The following PIGU variants were observed in gnomAD, a reference collection of about 807,000 sequenced individuals.
The protein encoded by PIGU is GPI-anchor transamidase component PIGU.
PIGU carries 24 observed loss-of-function variants against 49.9 expected under a neutral mutation model. That is an observed-to-expected ratio of 0.48 (90% CI 0.35 to 0.68). The LOEUF is 0.68. Among genes scored for constraint, PIGU ranks in the 30% least tolerant of loss-of-function variants. PIGU has a pLI of 0.01. For synonymous variants in PIGU, 220 were observed against 205.7 expected (o/e 1.07, Z -0.59); for missense variants, 490 against 532.6 (o/e 0.92, Z 0.79).
chr20:34,562,531 C>G (rs1982569335), intron 11 of PIGU: 5 of 1,289,266 alleles, frequency 3.9e-6, no homozygotes, highest in Admixed American at 2.3e-5. Flanking sequence ...GGCCTCAGGA[C>G]AAGTACCTGC....
At chr20:34,598,130 G>A (rs913798551) in intron 7 of PIGU, among the ~76,000 whole-genome samples, 9 of 152,296 alleles carry the variant, frequency 5.9e-5, no homozygotes, top group South Asian at 2.1e-4. Flanking sequence ...GAAGGAGGAC[G>A]TACAGGGCTT....
At position 34,575,147 on chromosome 20, in the gene PIGU, G is replaced by C. The variant is rs1308913922; in HGVS notation, c.1151C>G (p.Ser384Cys). The C allele has an allele frequency of 6.2e-7, 1 of 1,614,174 alleles. No individual in the cohort carries two copies. Among genetic ancestry groups the C allele is most frequent in the Admixed American group, 1.7e-5 (1 of 60,016 alleles). The change falls in exon 11 of 12, where the codon TCT becomes TGT. Residue 384 changes from serine (S) to cysteine (C), a missense_variant. By Grantham distance (112) the Ser-to-Cys change is moderately radical (BLOSUM62 -1). Transcript: ENST00000217446. ...HLWIYAGSAN[S>C]NFFYAITLTF... ...CAGTGTGATGGCATAAAAGAAATTAGAGTTGGCACTTCCTGCATAAATCCA... is the reference window on the plus strand; with the variant it reads ...CAGTGTGATGGCATAAAAGAAATTACAGTTGGCACTTCCTGCATAAATCCA...
intron 1 of PIGU, among the ~76,000 whole-genome samples, chr20:34,658,806 C>T (rs1434866007): frequency 2.5e-4 from 38 of 151,646 alleles, no homozygotes; most frequent in African/African-American, 8.0e-4. Context: ...GCAGCCGCCC[C>T]GTCTGAGAAG....
chr20:34,673,069 A>G (rs979301632), intron 1 of PIGU, among the ~76,000 whole-genome samples: 1 of 151,906 alleles, frequency 6.6e-6, no homozygotes, highest in African/African-American at 2.4e-5. Context: ...CCTGGCTAAC[A>G]TGGTGAAACC....
intron 11 of PIGU, among the ~76,000 whole-genome samples, chr20:34,563,952 T>C (rs957558065): frequency 1.3e-5 from 2 of 152,168 alleles, no homozygotes; most frequent in Admixed American, 1.3e-4. Flanking sequence ...AACCCCAGGA[T>C]AGTCCTAAGA....
intron 7 of PIGU, among the ~76,000 whole-genome samples, chr20:34,612,550 T>C (rs1279697030): frequency 2.6e-5 from 4 of 152,014 alleles, no homozygotes; most frequent in South Asian, 4.2e-4. Flanking sequence ...AATTATTTCA[T>C]GTACCATCAG....
chr20:34,665,945 G>A (rs927703681), intron 1 of PIGU, among the ~76,000 whole-genome samples: 1 of 152,066 alleles, frequency 6.6e-6, no homozygotes, highest in African/African-American at 2.4e-5. Flanking sequence ...CAATACGTTG[G>A]GAGGCCGAAG....
chr20:34,656,440 G>A (rs1480359682), intron 2 of PIGU, among the ~76,000 whole-genome samples: 2 of 128,404 alleles, frequency 1.6e-5, no homozygotes, highest in African/African-American at 5.8e-5. Context: ...CCACTACCGC[G>A]CCCAGCTAAT....
At chr20:34,675,873 A>C (rs773346169) in intron 1 of PIGU, among the ~76,000 whole-genome samples, 3 of 152,030 alleles carry the variant, frequency 2.0e-5, no homozygotes, top group Non-Finnish European at 2.9e-5. Flanking sequence ...AAAACAAAAA[A>C]ACTTTAGCAT....
intron 7 of PIGU, 71 bp downstream of exon 7, chr20:34,615,971 T>C (rs894142448): frequency 6.6e-6 from 10 of 1,512,102 alleles, no homozygotes; most frequent in Non-Finnish European, 8.8e-6. Context: ...TGCCCTTCCT[T>C]TCCCCCAGCA....
In PIGU at chr20:34,677,080, C is replaced by G; in HGVS notation, c.6G>C (p.Ala2=). 3 of 1,562,684 alleles carry G rather than the reference C, an allele frequency of 1.9e-6. No individual in the cohort carries two copies. The African/African-American group carries it at 4.1e-5, about 21-fold the overall frequency. Residue 2 remains alanine, a synonymous_variant, in exon 1 of 12, where the codon GCG becomes GCC. Coordinates refer to ENST00000217446, the MANE Select transcript of PIGU (RefSeq NM_080476.5). The stretch of plus-strand genomic sequence containing the variant: ...CCACCAGCACCAGGACCAAGGGAGC[C>G]GCCATGATAACTGGGGCGGGCGCGC... The part of the protein sequence containing the change: M[A]APLVLVLVVA...
intron 7 of PIGU, among the ~76,000 whole-genome samples, chr20:34,605,068 CT>C (rs1321219539): frequency 6.6e-6 from 1 of 152,178 alleles, no homozygotes; most frequent in Non-Finnish European, 1.5e-5. Context: ...GTCCTGTGCA[CT>C]CGGCTTTCCT....
intron 2 of PIGU, among the ~76,000 whole-genome samples, chr20:34,652,272 T>G (rs1246820152): frequency 6.6e-6 from 1 of 152,192 alleles, no homozygotes; most frequent in Non-Finnish European, 1.5e-5. Context: ...CCCAAAGTGC[T>G]AGGATTACAG....
intron 1 of PIGU, among the ~76,000 whole-genome samples, chr20:34,664,629 T>C (rs1313540693): frequency 6.6e-6 from 1 of 151,632 alleles, no homozygotes; most frequent in East Asian, 1.9e-4. Context: ...GATTGTGCCA[T>C]TGCATTCCAG....
chr20:34,635,837 T>C (rs1278652403), intron 5 of PIGU, among the ~76,000 whole-genome samples: 1 of 151,260 alleles, frequency 6.6e-6, no homozygotes, highest in Non-Finnish European at 1.5e-5. Flanking sequence ...ATGACGCCAT[T>C]GCACTCCAGC....
chr20:34,622,200 C>T (rs1861379430), intron 6 of PIGU, among the ~76,000 whole-genome samples: 1 of 152,122 alleles, frequency 6.6e-6, no homozygotes, highest in South Asian at 2.1e-4. Flanking sequence ...TACATTTTTC[C>T]GTATATATGT....
At chr20:34,639,421 CTA>C (rs980122432) in intron 4 of PIGU, among the ~76,000 whole-genome samples, 4 of 151,904 alleles carry the variant, frequency 2.6e-5, no homozygotes, top group African/African-American at 7.2e-5. Context: ...AAAAATAATA[CTA>C]TGTGTTATTT....
chr20:34,609,170 T>C (rs1008671873), intron 7 of PIGU, among the ~76,000 whole-genome samples: 2 of 151,912 alleles, frequency 1.3e-5, no homozygotes, highest in Admixed American at 6.6e-5. Flanking sequence ...AAGCCAGCCA[T>C]GGTGGCACAT....
rs374136983 is a variant in PIGU at position 34,668,867 on chromosome 20, CTTTTTTTTTTT to C, written c.130+8078_130+8088del. On this transcript the variant is annotated intron_variant, in intron 1 of 11. Coordinates refer to ENST00000217446, the MANE Select transcript of PIGU (RefSeq NM_080476.5). ...AAAAATTAGTGAAAAAATGGTAAAA[CTTTTTTTTTTT>C]TTTTTTTTTTTTTTTTTTTTTTACA... is the stretch of plus-strand genomic sequence containing the variant. 3.1e-4 allele frequency among the ~76,000 whole-genome samples: 14 copies of C among 44,716 alleles called. No individual in the cohort carries two copies. The South Asian group carries it at 4.1e-3, about 13-fold the overall frequency. The allele number at this position is 44,716 out of a possible 152,430, so 29.3% of individuals were successfully genotyped here. A position where few individuals can be genotyped will look rare whatever the true frequency, so the allele number is the denominator to read the frequency against.
Sources: allele counts gnomAD v4.1 joint callset (sites outside exome capture counted in the v4.1 genomes callset), GRCh38; gene constraint gnomAD v4.1.1; transcripts MANE v1.5; gene names NCBI Gene and HGNC (gene_info 2026-07-23, HGNC 2026-07-21).